Variants in RSRC1 observed in about 807,000 individuals in gnomAD.
The protein encoded by RSRC1 is arginine and serine rich coiled-coil 1.
A neutral mutation model predicts 49.1 loss-of-function variants in RSRC1; 39 were observed. The ratio of observed to expected loss-of-function variants is 0.79; its 90% CI spans 0.61 to 1.04. RSRC1 has a LOEUF of 1.04. RSRC1 is among the 50% of genes least tolerant of loss of function. RSRC1 has a pLI of 0.00. For synonymous variants in RSRC1, 143 were observed against 130.8 expected (o/e 1.09, Z -0.63); for missense variants, 388 against 402.4 (o/e 0.96, Z 0.31).
intron 7 of RSRC1, among the ~76,000 whole-genome samples, chr3:158,523,750 A>C (rs924592127): frequency 6.6e-6 from 1 of 152,098 alleles, no homozygotes; most frequent in African/African-American, 2.4e-5. Flanking sequence ...AAACTCTCAC[A>C]AAATTGCCCA....
chr3:158,247,552 G>A (rs1723974059), intron 4 of RSRC1, among the ~76,000 whole-genome samples: 1 of 152,146 alleles, frequency 6.6e-6, no homozygotes, highest in Non-Finnish European at 1.5e-5. Context: ...TTTTGAGGTT[G>A]CTGACCTTTG....
intron 6 of RSRC1, among the ~76,000 whole-genome samples, chr3:158,439,603 G>C (rs1736260743): frequency 2.0e-5 from 3 of 152,080 alleles, no homozygotes. Flanking sequence ...TTATAGGTGG[G>C]AGTTGAACAA....
At chr3:158,274,198 A>T (rs1725677925) in intron 4 of RSRC1, among the ~76,000 whole-genome samples, 1 of 152,142 alleles carries the variant, frequency 6.6e-6, no homozygotes, top group African/African-American at 2.4e-5. Flanking sequence ...TTTTAGGGGT[A>T]TGCTGAAGTG....
At chr3:158,276,497 C>G in intron 4 of RSRC1, 1 of 573,536 alleles carries the variant, frequency 1.7e-6, no homozygotes. Flanking sequence ...TAACATTTGT[C>G]TTTTTTTCAT....
At chr3:158,433,555 G>T (rs1382201757) in intron 6 of RSRC1, among the ~76,000 whole-genome samples, 1 of 151,920 alleles carries the variant, frequency 6.6e-6, no homozygotes, top group African/African-American at 2.4e-5. Flanking sequence ...CTCAGACCCT[G>T]CCTGGTTGTC....
At chr3:158,436,354 G>A (rs1482367304) in intron 6 of RSRC1, among the ~76,000 whole-genome samples, 2 of 151,912 alleles carry the variant, frequency 1.3e-5, no homozygotes, top group African/African-American at 4.8e-5. Context: ...GATAAAGCAA[G>A]TATGAACTAC....
rs1722808463 is a variant in RSRC1, at chr3:158,229,374, GTGTA to G, written c.494+26137_494+26140del. On this transcript the variant is annotated intron_variant, in intron 4 of 9. Coordinates refer to ENST00000611884, the MANE Select transcript of RSRC1 (RefSeq NM_001271838.2). ...TATATACACATATACACACGTATAT[GTGTA>G]TGTATGTGTATATATATACACATAC... Among the ~76,000 whole-genome samples the G allele has an allele frequency of 3.8e-5, 4 of 106,296 alleles. No homozygotes were observed. The South Asian group carries it at 1.1e-3, about 30-fold the overall frequency. The allele number at this position is 106,296 out of a possible 152,430, so 69.7% of individuals were successfully genotyped here. A position where few individuals can be genotyped will look rare whatever the true frequency, so the allele number is the denominator to read the frequency against.
At chr3:158,529,782 C>T (rs571196120) in intron 7 of RSRC1, among the ~76,000 whole-genome samples, 2 of 152,006 alleles carry the variant, frequency 1.3e-5, no homozygotes, top group South Asian at 2.1e-4. Flanking sequence ...TGGTTTCTAC[C>T]GCCTAACTGT....
At chr3:158,252,746 T>G (rs1724293793) in intron 4 of RSRC1, among the ~76,000 whole-genome samples, 1 of 152,208 alleles carries the variant, frequency 6.6e-6, no homozygotes, top group African/African-American at 2.4e-5. Context: ...CTTTTTATTA[T>G]GATTTTGATC....
chr3:158,140,507 A>T (rs1716680990), intron 3 of RSRC1, among the ~76,000 whole-genome samples: 1 of 152,196 alleles, frequency 6.6e-6, no homozygotes, highest in African/African-American at 2.4e-5. Flanking sequence ...TGACTCCCAG[A>T]TCTCTTTCCA....
At chr3:158,472,959 A>C (rs1025690402) in intron 7 of RSRC1, among the ~76,000 whole-genome samples, 4 of 152,210 alleles carry the variant, frequency 2.6e-5, no homozygotes, top group Non-Finnish European at 4.4e-5. Flanking sequence ...CAAAACCACA[A>C]TGAGATATCA....
Position 158,400,201 on chromosome 3 carries a change from TC to T in RSRC1, c.583+45294del, listed in dbSNP as rs1578429261. ...CTGAAAAATTCCTATGGCCTTTTCA[TC>T]ATAGGTCATAGGTGTCCTAAAATGT... On this transcript the variant is annotated intron_variant, in intron 6 of 9. Coordinates refer to ENST00000611884, the MANE Select transcript of RSRC1 (RefSeq NM_001271838.2). Among the ~76,000 whole-genome samples, 3 of 152,212 alleles carry T rather than the reference TC, an allele frequency of 2.0e-5. No homozygotes were observed. The East Asian group carries it at 5.8e-4, about 29-fold the overall frequency.
intron 7 of RSRC1, among the ~76,000 whole-genome samples, chr3:158,493,254 T>C (rs1739162298): frequency 6.6e-6 from 1 of 152,210 alleles, no homozygotes; most frequent in Non-Finnish European, 1.5e-5. Flanking sequence ...GTAGCTTGCA[T>C]TGGAGGCACC....
At chr3:158,418,154 G>A (rs1245778595) in intron 6 of RSRC1, among the ~76,000 whole-genome samples, 1 of 151,958 alleles carries the variant, frequency 6.6e-6, no homozygotes, top group Non-Finnish European at 1.5e-5. Flanking sequence ...ACTATGTGAT[G>A]TAGTATATAA....
chr3:158,533,784 A>G (rs1041489016), intron 7 of RSRC1, among the ~76,000 whole-genome samples: 2 of 151,804 alleles, frequency 1.3e-5, no homozygotes, highest in African/African-American at 2.4e-5. Flanking sequence ...ATTGACATTG[A>G]AGTTGGATTA....
chr3:158,200,068 T>G (rs566176949), intron 3 of RSRC1, among the ~76,000 whole-genome samples: 1 of 152,232 alleles, frequency 6.6e-6, no homozygotes, highest in East Asian at 1.9e-4. Flanking sequence ...GACGGAGTCT[T>G]GTTCTGTCAC....
chr3:158,451,358 T>TG (rs755385248), intron 6 of RSRC1, among the ~76,000 whole-genome samples: 68 of 152,122 alleles, frequency 4.5e-4, no homozygotes, highest in South Asian at 2.1e-3. Context: ...ATATTATAAC[T>TG]ATTATTATAT....
At chr3:158,497,589 A>G (rs1739403538) in intron 7 of RSRC1, among the ~76,000 whole-genome samples, 1 of 151,932 alleles carries the variant, frequency 6.6e-6, no homozygotes, top group Non-Finnish European at 1.5e-5. Flanking sequence ...GGCGCGTGCC[A>G]CCATGCCTAA....
intron 4 of RSRC1, among the ~76,000 whole-genome samples, chr3:158,235,840 A>G (rs1479813807): frequency 6.6e-6 from 1 of 152,240 alleles, no homozygotes; most frequent in African/African-American, 2.4e-5. Context: ...AAACCAGGCC[A>G]GGGGCGGTGG....
Sources: gnomAD v4.1 joint callset for allele counts (sites outside exome capture counted in the v4.1 genomes callset) on GRCh38, gnomAD v4.1.1 for gene constraint, MANE v1.5 for transcripts, NCBI Gene and HGNC (gene_info 2026-07-23, HGNC 2026-07-21) for gene names.